The following ROBO4 variants were observed in gnomAD, a reference collection of about 807,000 sequenced individuals.
The protein encoded by ROBO4 is roundabout guidance receptor 4.
ROBO4 carries 80 observed loss-of-function variants against 103.3 expected under a neutral mutation model. The ratio of observed to expected loss-of-function variants is 0.77; its 90% CI spans 0.65 to 0.93. The LOEUF (loss-of-function observed/expected upper bound fraction) is 0.93, where lower values mean the gene tolerates loss of function less well. Ranked by LOEUF, ROBO4 falls within the 40% of genes least tolerant of loss-of-function variation. ROBO4 has a pLI of 0.00. For synonymous variants in ROBO4, 504 were observed against 529.7 expected, an observed-to-expected ratio of 0.95 and a Z score of 0.67; for missense variants, 1,333 against 1,305.3, an observed-to-expected ratio of 1.02 and a Z score of -0.33.
chr11:124,887,519 GTGTGAGAACAGTGGCATCCCCATC>G lies in ROBO4; in HGVS notation c.2057-44_2057-21del. On this transcript the variant is annotated intron_variant, in intron 13 of 17. Transcript: ENST00000306534. ...CAGCTCCTGGGGAAGAGAAGCCTGG[GTGTGAGAACAGTGGCATCCCCATC>G]TGCTCTGGAGCTCAGCCTGCCGGCC... The G allele has an allele frequency of 6.2e-7, 1 of 1,613,084 alleles. No individual in the cohort carries two copies. Among genetic ancestry groups the G allele is most frequent in the Non-Finnish European group, 8.5e-7 (1 of 1,179,856 alleles).
At position 124,895,860 on chromosome 11, in the gene ROBO4, C is replaced by G; in HGVS notation, c.732G>C (p.Leu244=). 1 of 1,614,150 alleles carries G rather than the reference C, an allele frequency of 6.2e-7. No homozygotes were observed. The highest frequency in any genetic ancestry group is 8.5e-7 in the Non-Finnish European group (1 of 1,180,028). The part of the protein sequence containing the change: ...PVELLAVRIQ[L]ENVTLLNPDP... ...CCGGGTTCAGCAGTGTCACATTTTC[C>G]AGCTGAATTCGCACAGCCAGAAGCT... Residue 244 remains leucine, a synonymous_variant, in exon 5 of 18, where the codon CTG becomes CTC. Transcript: ENST00000306534.
chr11:124,886,965 C>G lies in ROBO4; in HGVS notation c.2435+12G>C. On this transcript the variant is annotated intron_variant, in intron 15 of 17. Transcript: ENST00000306534. Reference sequence around the variant, plus strand: ...TTTCTGTAGTTCTTTGGTTATCTCTCAAGCTACTCACCTGGGAGTCTCCTC... The same window carrying G: ...TTTCTGTAGTTCTTTGGTTATCTCTGAAGCTACTCACCTGGGAGTCTCCTC... 6.3e-7 allele frequency: 1 copy of G among 1,597,116 alleles called. No individual in the cohort carries two copies. The highest frequency in any genetic ancestry group is 8.6e-7 in the Non-Finnish European group (1 of 1,168,306).
Position 124,895,566 on chromosome 11 carries a change from C to T in ROBO4, c.927G>A (p.Glu309=), listed in dbSNP as rs201428250. The T allele has an allele frequency of 3.1e-6, 5 of 1,613,168 alleles. No individual in the cohort carries two copies. Among genetic ancestry groups the T allele is most frequent in the Non-Finnish European group, 4.2e-6 (5 of 1,180,024 alleles). Residue 309 remains glutamate, a synonymous_variant, in exon 6 of 18, where the codon GAG becomes GAA. Coordinates refer to ENST00000306534, the MANE Select transcript of ROBO4 (RefSeq NM_019055.6). The part of the protein sequence containing the change: ...EELLAGWQSA[E]LGGLHWGQDY... ...CTTGGCCCCAGTGGAGGCCTCCAAG[C>T]TCTGCGCTCTGCCAGCCGGCCAGCA... is the stretch of plus-strand genomic sequence containing the variant.
In ROBO4 at chr11:124,891,713, C is replaced by G. The variant is rs749759161; in HGVS notation, c.1637G>C (p.Ser546Thr). Residue 546 changes from serine (S) to threonine (T), a missense_variant, in exon 11 of 18, where the codon AGT becomes ACT. Physicochemically the swap from Ser to Thr is moderately conservative, Grantham distance 58 (BLOSUM62 1). Coordinates refer to ENST00000306534, the MANE Select transcript of ROBO4 (RefSeq NM_019055.6). ...RDLSSSSSLS[S>T]RLGADARDPL... ...GTCCCGGGCATCCGCCCCCAGCCGA[C>G]TGCTGAGGCTGCTGCTGCTGCTCAG... 6.2e-7 allele frequency: 1 copy of G among 1,614,044 alleles called. No individual in the cohort carries two copies. Among genetic ancestry groups the G allele is most frequent in the Non-Finnish European group, 8.5e-7 (1 of 1,180,044 alleles).
Position 124,885,222 on chromosome 11 carries a change from C to T in ROBO4, c.2820G>A (p.Arg940=), listed in dbSNP as rs1199158655. 4 of 1,612,730 alleles carry T rather than the reference C, an allele frequency of 2.5e-6. No homozygotes were observed. Among genetic ancestry groups the T allele is most frequent in the Non-Finnish European group, 3.4e-6 (4 of 1,179,982 alleles). ...FIDASSPPSP[R]DEIFLTPNLS... Reference sequence around the variant, plus strand: ...GGTTGGGGGTCAGGAAGATCTCATCCCGTGGGGAGGGAGGTGATGAGGCAT... The same window carrying T: ...GGTTGGGGGTCAGGAAGATCTCATCTCGTGGGGAGGGAGGTGATGAGGCAT... Residue 940 remains arginine, a synonymous_variant, in exon 17 of 18, where the codon CGG becomes CGA. Coordinates refer to ENST00000306534, the MANE Select transcript of ROBO4 (RefSeq NM_019055.6).
intron 12 of ROBO4, among the ~76,000 whole-genome samples, chr11:124,888,128 G>A (rs1034592022): frequency 3.9e-5 from 6 of 152,216 alleles, no homozygotes; most frequent in Non-Finnish European, 8.8e-5. Flanking sequence ...CAACCACTTC[G>A]AATGATGGTC....
chr11:124,885,920 G>A (rs1435242968), intron 16 of ROBO4, among the ~76,000 whole-genome samples: 1 of 152,196 alleles, frequency 6.6e-6, no homozygotes, highest in Admixed American at 6.5e-5. Context: ...CAGGCTCAGT[G>A]GCTCATGCCT....
intron 1 of ROBO4, 145 bp downstream of exon 1, chr11:124,897,581 C>A (rs1368610685): frequency 4.4e-6 from 3 of 686,350 alleles, no homozygotes; most frequent in Non-Finnish European, 5.3e-6. Context: ...AACACACATA[C>A]ACTTACACAC....
At chr11:124,896,120 C>T in intron 4 of ROBO4, 78 bp downstream of exon 4, 1 of 1,579,782 alleles carries the variant, frequency 6.3e-7, no homozygotes. Flanking sequence ...CATACCTTAA[C>T]CCCAGCCCAA....
At chr11:124,886,903 G>A in intron 15 of ROBO4, 74 bp downstream of exon 15, 1 of 1,540,612 alleles carries the variant, frequency 6.5e-7, no homozygotes, top group Non-Finnish European at 8.8e-7. Context: ...AGTTGAGGGA[G>A]GGCGGAATGG....
At chr11:124,885,739 C>T (rs1946701343) in intron 16 of ROBO4, among the ~76,000 whole-genome samples, 1 of 152,148 alleles carries the variant, frequency 6.6e-6, no homozygotes. Flanking sequence ...CTGGGAATGT[C>T]AGAGGTGAGC....
rs1186080462 is a variant in ROBO4 at position 124,884,655 on chromosome 11, G to A, written c.*236C>T. The A allele has an allele frequency of 1.8e-5, 11 of 599,364 alleles. No individual in the cohort carries two copies. The highest frequency in any genetic ancestry group is 3.7e-5 in the African/African-American group (2 of 53,818). The allele number at this position is 599,364 out of a possible 1,614,324, so 37.1% of individuals were successfully genotyped here. ...TGGATGGCACAGAGGAGAAAGCAGT[G>A]GCTAGGAGTCAGGTGGAGATGATGT... is the stretch of plus-strand genomic sequence containing the variant. On this transcript the variant is annotated 3_prime_UTR_variant, in exon 18 of 18. Coordinates refer to ENST00000306534, the MANE Select transcript of ROBO4 (RefSeq NM_019055.6).
Position 124,897,707 on chromosome 11 carries a change from G to C in ROBO4, c.70+19C>G, listed in dbSNP as rs770642467. The C allele has an allele frequency of 6.2e-7, 1 of 1,612,338 alleles. No homozygotes were observed. Among genetic ancestry groups the C allele is most frequent in the Admixed American group, 1.7e-5 (1 of 60,016 alleles). On this transcript the variant is annotated intron_variant, in intron 1 of 17. Transcript: ENST00000306534. ...CCTTGGATGGAGGAGCATGGGCCAG[G>C]AGAGGGAGAGCAACTCACCCATGAT...
Position 124,893,626 on chromosome 11 carries a change from G to T in ROBO4, c.1547+62C>A, listed in dbSNP as rs1437523968. The T allele has an allele frequency of 4.1e-6, 6 of 1,476,810 alleles. No homozygotes were observed. In the Admixed American group the frequency reaches 1.0e-4, roughly 25 times the overall value. 91.5% of individuals were successfully genotyped at this position (1,476,810 alleles called of 1,614,324 possible). Reference sequence around the variant, plus strand: ...GTAGACTAGTACTCCATTCTTCTCTGTTGCAGCTCCACTGTCCCTTGCCAC... The same window carrying T: ...GTAGACTAGTACTCCATTCTTCTCTTTTGCAGCTCCACTGTCCCTTGCCAC... On this transcript the variant is annotated intron_variant, in intron 10 of 17. Coordinates refer to ENST00000306534, the MANE Select transcript of ROBO4 (RefSeq NM_019055.6).
At position 124,897,706 on chromosome 11, in the gene ROBO4, G is replaced by A. The variant is rs369621304; in HGVS notation, c.70+20C>T. The A allele has an allele frequency of 6.1e-5, 98 of 1,612,636 alleles. 1 individual carries two copies. In the African/African-American group the frequency reaches 6.7e-4, roughly 11 times the overall value. ...GCCTTGGATGGAGGAGCATGGGCCA[G>A]GAGAGGGAGAGCAACTCACCCATGA... is the stretch of plus-strand genomic sequence containing the variant. On this transcript the variant is annotated intron_variant, in intron 1 of 17. Transcript: ENST00000306534.
intron 8 of ROBO4, 67 bp downstream of exon 8, chr11:124,894,134 G>T: frequency 6.4e-7 from 1 of 1,560,298 alleles, no homozygotes; most frequent in South Asian, 1.2e-5. Flanking sequence ...TGTGAGGCGG[G>T]AGCAGGGAGA....
In ROBO4 at chr11:124,897,110, C is replaced by A; in HGVS notation, c.222G>T (p.Met74Ile). ...GGAGGTGGTGTGGGTCTGGGGGCAC[C>A]ATGCTCAGGGGCTGCCCATTCAGCA... ...RWLLNGQPLS[M>I]VPPDPHHLLP... Residue 74 changes from methionine to isoleucine, a missense_variant, in exon 2 of 18, where the codon ATG (methionine) becomes ATT (isoleucine). Transcript: ENST00000306534. 6.3e-7 allele frequency: 1 copy of A among 1,593,820 alleles called. No individual in the cohort carries two copies. The highest frequency in any genetic ancestry group is 8.6e-7 in the Non-Finnish European group (1 of 1,168,502).
At chr11:124,896,021 G>T in intron 4 of ROBO4, 109 bp from the exon 5 acceptor site, 1 of 1,546,462 alleles carries the variant, frequency 6.5e-7, no homozygotes. Context: ...AACTCCCAGA[G>T]TCTCCAGGTC....
At chr11:124,893,632 G>T in intron 10 of ROBO4, 56 bp downstream of exon 10, 1 of 1,517,056 alleles carries the variant, frequency 6.6e-7, no homozygotes. Flanking sequence ...CTCTGTTGCA[G>T]CTCCACTGTC....
Sources: allele counts gnomAD v4.1 joint callset (sites outside exome capture counted in the v4.1 genomes callset), GRCh38; gene constraint gnomAD v4.1.1; transcripts MANE v1.5; gene names NCBI Gene and HGNC (gene_info 2026-07-23, HGNC 2026-07-21).